BNC2: variants seen among roughly 807,000 people sequenced by gnomAD.
BNC2 encodes the protein zinc finger protein basonuclin-2.
Under a neutral mutation model 76.3 loss-of-function variants are expected in BNC2, and 20 were observed. That is an observed-to-expected ratio of 0.26 (90% CI 0.18 to 0.38). BNC2 has a LOEUF of 0.38. Among genes scored for constraint, BNC2 ranks in the 10% least tolerant of loss-of-function variants. The pLI is 1.00. For synonymous variants in BNC2, 582 were observed against 514.8 expected, an observed-to-expected ratio of 1.13 and a Z score of -1.77; for missense variants, 1,382 against 1,399.8, an observed-to-expected ratio of 0.99 and a Z score of 0.20.
intron 1 of BNC2, among the ~76,000 whole-genome samples, chr9:16,748,151 AG>A (rs1719489866): frequency 6.6e-6 from 1 of 152,216 alleles, no homozygotes. Flanking sequence ...AGAGTAGAAA[AG>A]AAAAACTGAG....
chr9:16,685,761 T>C (rs1195569889), intron 3 of BNC2: 6 of 431,376 alleles, frequency 1.4e-5, no homozygotes, highest in Middle Eastern at 6.7e-4. Flanking sequence ...TTGACATGTA[T>C]GTGACACTTA....
At position 16,414,170 on chromosome 9, in the gene BNC2, C is replaced by T. The variant is rs375176198; in HGVS notation, c.*4819G>A. 4 of 152,156 alleles carry T rather than the reference C, an allele frequency of 2.6e-5. No individual in the cohort carries two copies. In the East Asian group the frequency reaches 7.7e-4, roughly 29 times the overall value. The allele number at this position is 152,156 out of a possible 1,614,324, so 9.4% of individuals were successfully genotyped here. On this transcript the variant is annotated 3_prime_UTR_variant, in exon 7 of 7. Transcript: ENST00000380672. ...GCTTTCCTAACCCCTTCCTCAGAGC[C>T]GACTCACCTGGTCATAGGAACTCTG...
Position 16,516,353 on chromosome 9 carries a change from A to G in BNC2, c.669+36177T>C, listed in dbSNP as rs148699367. On this transcript the variant is annotated intron_variant, in intron 5 of 6. Transcript: ENST00000380672. ...GCAAGTTAAATGCTAAGATTCCCCA[A>G]TGATTATGCGGAAACTTAAAAAAAA... Among the ~76,000 whole-genome samples, 552 of 152,098 alleles carry G rather than the reference A, an allele frequency of 3.6e-3. 6 individuals carry two copies. The highest frequency in any genetic ancestry group is 0.012 in the African/African-American group (504 of 41,492).
At chr9:16,484,454 A>T (rs193028785) in intron 5 of BNC2, among the ~76,000 whole-genome samples, 1 of 152,322 alleles carries the variant, frequency 6.6e-6, no homozygotes, top group East Asian at 1.9e-4. Flanking sequence ...CTTCACTGAG[A>T]CACCATTGTT....
At chr9:16,542,240 G>T (rs1818345032) in intron 5 of BNC2, among the ~76,000 whole-genome samples, 1 of 152,100 alleles carries the variant, frequency 6.6e-6, no homozygotes, top group African/African-American at 2.4e-5. Context: ...ACAGAAAAAT[G>T]ACGATGAGTT....
chr9:16,614,881 T>C (rs893197299), intron 3 of BNC2, among the ~76,000 whole-genome samples: 1 of 148,196 alleles, frequency 6.7e-6, no homozygotes, highest in African/African-American at 2.5e-5. Context: ...ACTTGATCTC[T>C]GGAGGTCAAG....
At chr9:16,432,457 G>A (rs1820926520) in intron 6 of BNC2, among the ~76,000 whole-genome samples, 1 of 152,116 alleles carries the variant, frequency 6.6e-6, no homozygotes, top group Non-Finnish European at 1.5e-5. Context: ...TGCCTATCTG[G>A]AGACCAAAAA....
At chr9:16,497,354 T>C (rs925201811) in intron 5 of BNC2, among the ~76,000 whole-genome samples, 2 of 152,242 alleles carry the variant, frequency 1.3e-5, no homozygotes, top group African/African-American at 4.8e-5. Context: ...GATGAAAGTA[T>C]AGCACTGAAA....
At chr9:16,661,547 T>C (rs989774339) in intron 3 of BNC2, among the ~76,000 whole-genome samples, 2 of 152,166 alleles carry the variant, frequency 1.3e-5, no homozygotes, top group South Asian at 2.1e-4. Flanking sequence ...AAGTTTAGTG[T>C]TATCAGTTTC....
chr9:16,435,524 C>T, intron 6 of BNC2, 31 bp downstream of exon 6: 2 of 1,612,506 alleles, frequency 1.2e-6, no homozygotes, highest in Non-Finnish European at 1.7e-6. Flanking sequence ...CCTCCACCCC[C>T]AGCAGGAGCA....
chr9:16,869,669 C>T (rs1444883574), intron 1 of BNC2, among the ~76,000 whole-genome samples: 1 of 152,186 alleles, frequency 6.6e-6, no homozygotes, highest in Non-Finnish European at 1.5e-5. Context: ...GGTCAAGCCC[C>T]ATTTCTAACA....
intron 1 of BNC2, among the ~76,000 whole-genome samples, chr9:16,774,921 T>G (rs1466533453): frequency 1.3e-5 from 2 of 152,162 alleles, no homozygotes; most frequent in East Asian, 3.8e-4. Flanking sequence ...AAGCGTTTTT[T>G]ATTTGTTTTT....
chr9:16,870,623 G>C (rs369930617), intron 1 of BNC2, 23 bp downstream of exon 1: 1 of 1,610,552 alleles, frequency 6.2e-7, no homozygotes, highest in South Asian at 1.1e-5. Flanking sequence ...AATAAAAGAG[G>C]AAGGAGGGTG....
intron 5 of BNC2, among the ~76,000 whole-genome samples, chr9:16,464,153 T>C (rs1425309780): frequency 6.7e-6 from 1 of 148,956 alleles, no homozygotes; most frequent in Non-Finnish European, 1.5e-5. Flanking sequence ...TGGGAGGAGC[T>C]AGTAGTAGAC....
intron 3 of BNC2, among the ~76,000 whole-genome samples, chr9:16,701,722 G>A (rs4111335): frequency 0.6 from 90,212 of 151,276 alleles, 30,557 homozygotes; most frequent in Non-Finnish European, 0.79. Flanking sequence ...GGGGCAGATC[G>A]TTTTAGGCCA....
Position 16,412,853 on chromosome 9 carries a change from A to C in BNC2, c.*6136T>G, listed in dbSNP as rs1434712346. Reference sequence around the variant, plus strand: ...GTCAATTTCTCCTTCACAAGGGGATAAACAGGCAATTACGCATCCTTTTAT... The same window carrying C: ...GTCAATTTCTCCTTCACAAGGGGATCAACAGGCAATTACGCATCCTTTTAT... On this transcript the variant is annotated 3_prime_UTR_variant, in exon 7 of 7. Transcript: ENST00000380672. 1 of 152,618 alleles carries C rather than the reference A, an allele frequency of 6.6e-6. No homozygotes were observed. The highest frequency in any genetic ancestry group is 1.5e-5 in the Non-Finnish European group (1 of 68,054). The allele number at this position is 152,618 out of a possible 1,614,324, so 9.5% of individuals were successfully genotyped here.
At chr9:16,819,795 C>A (rs930407389) in intron 1 of BNC2, among the ~76,000 whole-genome samples, 7 of 151,116 alleles carry the variant, frequency 4.6e-5, no homozygotes, top group African/African-American at 1.5e-4. Context: ...TTAATTTCCA[C>A]AACTCTGTGA....
intron 3 of BNC2, among the ~76,000 whole-genome samples, chr9:16,629,888 T>TG (rs1459899721): frequency 4.6e-5 from 7 of 152,188 alleles, no homozygotes; most frequent in Non-Finnish European, 8.8e-5. Flanking sequence ...GGGTGGTGGT[T>TG]GATGAAGACG....
chr9:16,429,776 G>A, intron 6 of BNC2: 3 of 332,076 alleles, frequency 9.0e-6, no homozygotes, highest in South Asian at 7.2e-5. Flanking sequence ...CAGCCATGAA[G>A]CTTTGTGGTC....
Sources: gnomAD v4.1 joint callset for allele counts (sites outside exome capture counted in the v4.1 genomes callset) on GRCh38, gnomAD v4.1.1 for gene constraint, MANE v1.5 for transcripts, NCBI Gene and HGNC (gene_info 2026-07-23, HGNC 2026-07-21) for gene names.